MAP4K4: variants seen among roughly 807,000 people sequenced by gnomAD.
The protein encoded by MAP4K4 is mitogen-activated protein kinase kinase kinase kinase 4.
A neutral mutation model predicts 189.6 loss-of-function variants in MAP4K4; 38 were observed. The observed-to-expected ratio is 0.20, with a 90% CI of 0.15 to 0.26. The LOEUF is 0.26. Ranked by LOEUF, MAP4K4 falls within the 10% of genes least tolerant of loss-of-function variation. The pLI is 1.00. For missense variants in MAP4K4, 1,054 were observed against 1,726.9 expected (o/e 0.61, Z 6.91); for synonymous variants, 610 against 624.3 (o/e 0.98, Z 0.34).
intron 12 of MAP4K4, among the ~76,000 whole-genome samples, chr2:101,849,122 A>G (rs1364949160): frequency 2.0e-5 from 3 of 151,982 alleles, no homozygotes; most frequent in African/African-American, 7.3e-5. Context: ...TTCCTCCCTC[A>G]AAAAGGTGTT....
chr2:101,763,287 G>C (rs1266302170), intron 2 of MAP4K4, among the ~76,000 whole-genome samples: 3 of 152,208 alleles, frequency 2.0e-5, no homozygotes, highest in Non-Finnish European at 4.4e-5. Flanking sequence ...TGTTCTCAGG[G>C]TTGCTGTAGA....
intron 9 of MAP4K4, 124 bp downstream of exon 9, chr2:101,836,102 T>TC (rs1358442163): frequency 1.6e-6 from 1 of 640,126 alleles, no homozygotes; most frequent in Non-Finnish European, 2.8e-6. Context: ...GAGCCAGTTC[T>TC]CCAAAACACC....
chr2:101,736,157 C>G (rs924698341), intron 2 of MAP4K4, among the ~76,000 whole-genome samples: 1 of 152,228 alleles, frequency 6.6e-6, no homozygotes, highest in African/African-American at 2.4e-5. Context: ...AACCTCCATC[C>G]TAACTGGCCC....
rs1199402994 is a variant in MAP4K4 at position 101,865,715 on chromosome 2, A to G, written c.2204+679A>G. Among the ~76,000 whole-genome samples the G allele has an allele frequency of 5.3e-5, 8 of 152,330 alleles. No homozygotes were observed. In the East Asian group the frequency reaches 7.7e-4, roughly 15 times the overall value. ...CCAGCACTATCATAGGGAAGAAAAG[A>G]TGATTATGTTGAATGTTTTATATCT... On this transcript the variant is annotated intron_variant, in intron 18 of 32. Transcript: ENST00000324219.
chr2:101,754,742 G>A (rs1472858451), intron 2 of MAP4K4, among the ~76,000 whole-genome samples: 1 of 152,192 alleles, frequency 6.6e-6, no homozygotes, highest in African/African-American at 2.4e-5. Context: ...ATGTAAGGTG[G>A]CTTACTGGCT....
intron 2 of MAP4K4, among the ~76,000 whole-genome samples, chr2:101,701,763 T>C (rs990000158): frequency 5.3e-5 from 8 of 152,210 alleles, no homozygotes; most frequent in Non-Finnish European, 7.4e-5. Flanking sequence ...CAGAGTACCA[T>C]ATATTTATAA....
intron 2 of MAP4K4, among the ~76,000 whole-genome samples, chr2:101,784,239 A>G (rs1005751359): frequency 6.6e-6 from 1 of 151,212 alleles, no homozygotes; most frequent in Non-Finnish European, 1.5e-5. Flanking sequence ...ACTCTAGGGC[A>G]TGGTATTTCT....
At chr2:101,714,698 ATAAT>A (rs1293743837) in intron 2 of MAP4K4, among the ~76,000 whole-genome samples, 4 of 152,206 alleles carry the variant, frequency 2.6e-5, no homozygotes, top group Non-Finnish European at 1.5e-5. Flanking sequence ...GAACATTCTG[ATAAT>A]TTCCCTATAA....
intron 28 of MAP4K4, 110 bp downstream of exon 28, chr2:101,882,795 C>T: frequency 9.3e-7 from 1 of 1,080,618 alleles, no homozygotes; most frequent in Non-Finnish European, 1.3e-6. Flanking sequence ...AAACTTGTTT[C>T]TGAAACACGT....
At chr2:101,743,236 T>C (rs548689145) in intron 2 of MAP4K4, among the ~76,000 whole-genome samples, 1 of 152,316 alleles carries the variant, frequency 6.6e-6, no homozygotes, top group African/African-American at 2.4e-5. Flanking sequence ...GACCTGAGCA[T>C]GAGCAGATAG....
At chr2:101,762,516 C>A (rs1391822123) in intron 2 of MAP4K4, among the ~76,000 whole-genome samples, 1 of 152,168 alleles carries the variant, frequency 6.6e-6, no homozygotes, top group Admixed American at 6.5e-5. Flanking sequence ...TCCCATTCAA[C>A]CCTGAGTACA....
chr2:101,707,618 A>T (rs1573900022), intron 2 of MAP4K4, among the ~76,000 whole-genome samples: 1 of 150,076 alleles, frequency 6.7e-6, no homozygotes, highest in South Asian at 2.1e-4. Context: ...GCTCAAGCAA[A>T]CTTCCCACAT....
intron 2 of MAP4K4, among the ~76,000 whole-genome samples, chr2:101,762,564 TTGTAGAGG>T (rs1378694445): frequency 6.6e-6 from 1 of 152,210 alleles, no homozygotes; most frequent in African/African-American, 2.4e-5. Context: ...TTGTCAGCTC[TTGTAGAGG>T]TAAAACGGCT....
intron 6 of MAP4K4, 102 bp downstream of exon 6, chr2:101,829,696 T>G: frequency 1.3e-6 from 1 of 758,944 alleles, no homozygotes; most frequent in South Asian, 1.6e-5. Context: ...GTCTTACCCA[T>G]GTTTTCTATT....
At chr2:101,862,797 A>G (rs1440455382) in intron 16 of MAP4K4, among the ~76,000 whole-genome samples, 1 of 152,228 alleles carries the variant, frequency 6.6e-6, no homozygotes. Context: ...GGATTATACC[A>G]ATATCTGGTA....
At chr2:101,813,674 C>T (rs1298437240) in intron 3 of MAP4K4, among the ~76,000 whole-genome samples, 1 of 152,154 alleles carries the variant, frequency 6.6e-6, no homozygotes, top group Non-Finnish European at 1.5e-5. Flanking sequence ...ATATGGGACA[C>T]ATTTTTATGA....
chr2:101,792,767 C>T (rs2093141870), intron 3 of MAP4K4, among the ~76,000 whole-genome samples: 1 of 152,050 alleles, frequency 6.6e-6, no homozygotes, highest in Admixed American at 6.5e-5. Flanking sequence ...TCTGTAGTAG[C>T]TGGGATTACA....
intron 5 of MAP4K4, among the ~76,000 whole-genome samples, chr2:101,828,386 C>T (rs1205912270): frequency 1.3e-5 from 2 of 152,280 alleles, no homozygotes; most frequent in East Asian, 3.9e-4. Flanking sequence ...TGCTTTGTTC[C>T]TAACTATAGC....
intron 27 of MAP4K4, 76 bp downstream of exon 27, chr2:101,877,222 T>G (rs1394503102): frequency 1.4e-6 from 2 of 1,460,816 alleles, no homozygotes; most frequent in East Asian, 4.6e-5. Context: ...TAAACTTCAG[T>G]TAGCTCATTC....
Sources: gnomAD v4.1 joint callset for allele counts (sites outside exome capture counted in the v4.1 genomes callset) on GRCh38, gnomAD v4.1.1 for gene constraint, MANE v1.5 for transcripts, NCBI Gene and HGNC (gene_info 2026-07-23, HGNC 2026-07-21) for gene names.